Variants in MORN4 observed in about 807,000 individuals in gnomAD.
MORN4 encodes the protein MORN repeat containing 4.
A neutral mutation model predicts 16.4 loss-of-function variants in MORN4; 8 were observed. The observed-to-expected ratio is 0.49, with a 90% CI of 0.29 to 0.88. The LOEUF (loss-of-function observed/expected upper bound fraction) is 0.88, where lower values mean the gene tolerates loss of function less well. Ranked by LOEUF, MORN4 falls within the 40% of genes least tolerant of loss-of-function variation. MORN4 has a pLI of 0.09. For missense variants in MORN4, 159 were observed against 182.9 expected (o/e 0.87, Z 0.75); for synonymous variants, 53 against 68.9 (o/e 0.77, Z 1.14).
Position 97,617,312 on chromosome 10 carries a change from A to G in MORN4, c.78T>C (p.His26=), listed in dbSNP as rs2041245064. ...YRGEWKEGRR[H]GFGQLMFADG... Reference sequence around the variant, plus strand: ...CTGCAAACATCAGTTGACCAAAACCATGCCTGCGGCCTGAACAAAGAGAAG... The same window carrying G: ...CTGCAAACATCAGTTGACCAAAACCGTGCCTGCGGCCTGAACAAAGAGAAG... Residue 26 remains histidine (H), a synonymous_variant, in exon 3 of 5, where the codon CAT becomes CAC. Coordinates refer to ENST00000307450, the MANE Select transcript of MORN4 (RefSeq NM_178832.4). 6.2e-6 allele frequency: 10 copies of G among 1,613,938 alleles called. No homozygotes were observed. Among genetic ancestry groups the G allele is most frequent in the Non-Finnish European group, 8.5e-6 (10 of 1,179,924 alleles).
At chr10:97,617,371 G>T (rs1362783530) in intron 2 of MORN4, 49 bp from the exon 3 acceptor site, 1 of 1,442,046 alleles carries the variant, frequency 6.9e-7, no homozygotes, top group Admixed American at 1.7e-5. Flanking sequence ...GCAGCTTCAG[G>T]GTCCCTTCTT....
intron 1 of MORN4, among the ~76,000 whole-genome samples, chr10:97,626,967 G>A (rs1176320733): frequency 1.3e-5 from 2 of 151,404 alleles, no homozygotes; most frequent in Non-Finnish European, 2.9e-5. Context: ...ATGTTGGCCA[G>A]GCTGGTCTTG....
intron 2 of MORN4, among the ~76,000 whole-genome samples, chr10:97,617,665 G>A (rs574707025): frequency 1.3e-5 from 2 of 152,056 alleles, no homozygotes; most frequent in Non-Finnish European, 2.9e-5. Context: ...ATCGAGACCA[G>A]CCTGGCCAAC....
Position 97,628,407 on chromosome 10 carries a change from G to A in MORN4, c.-31+4940C>T, listed in dbSNP as rs963437843. The stretch of plus-strand genomic sequence containing the variant: ...CAAGGCTACGTGAAACTTCCAAAGA[G>A]TGGCATTCTACCTTGTTCCAGAAGG... On this transcript the variant is annotated intron_variant, in intron 1 of 4. Transcript: ENST00000307450. 4.6e-5 allele frequency among the ~76,000 whole-genome samples: 7 copies of A among 152,316 alleles called. No homozygotes were observed. The South Asian group carries it at 1.4e-3, about 32-fold the overall frequency.
intron 4 of MORN4, 87 bp from the exon 5 acceptor site, chr10:97,616,498 G>A: frequency 1.0e-5 from 15 of 1,460,516 alleles, no homozygotes; most frequent in Non-Finnish European, 1.4e-5. Context: ...ATATGTCCAG[G>A]CCAAAGAAGA....
intron 1 of MORN4, among the ~76,000 whole-genome samples, chr10:97,622,523 CA>C (rs1297123096): frequency 1.3e-5 from 2 of 151,566 alleles, no homozygotes; most frequent in Non-Finnish European, 2.9e-5. Context: ...CCATCTGTAC[CA>C]AAATTACAAA....
chr10:97,620,488 CA>C (rs1210683127), intron 1 of MORN4, among the ~76,000 whole-genome samples: 926 of 41,194 alleles, frequency 0.022, 14 homozygotes, highest in African/African-American at 0.076. Context: ...GACTCTGTCT[CA>C]AAAAAAAAAA....
At chr10:97,631,051 C>T (rs145809164) in intron 1 of MORN4, among the ~76,000 whole-genome samples, 1 of 152,246 alleles carries the variant, frequency 6.6e-6, no homozygotes, top group African/African-American at 2.4e-5. Flanking sequence ...AGGGTTTTAC[C>T]ACGTTGCCCA....
At chr10:97,632,132 A>G (rs142177292) in intron 1 of MORN4, among the ~76,000 whole-genome samples, 1 of 152,152 alleles carries the variant, frequency 6.6e-6, no homozygotes, top group East Asian at 1.9e-4. Flanking sequence ...TTAGAATCCT[A>G]AAGAGAAGAA....
At chr10:97,622,299 TG>T (rs1467231132) in intron 1 of MORN4, among the ~76,000 whole-genome samples, 1 of 152,018 alleles carries the variant, frequency 6.6e-6, no homozygotes, top group Non-Finnish European at 1.5e-5. Flanking sequence ...AAGGAACAAC[TG>T]GGGGGATACA....
At chr10:97,633,863 T>G (rs1478582752), upstream of MORN4, among the ~76,000 whole-genome samples, 1 of 152,188 alleles carries the variant, frequency 6.6e-6, no homozygotes, top group African/African-American at 2.4e-5. The surrounding 1 kb of genome is among the most constrained non-coding windows in gnomAD (Gnocchi z 4.5). Flanking sequence ...AGAGGCAGCT[T>G]TGTAAATTGT....
In MORN4 at chr10:97,616,758, A is replaced by C; in HGVS notation, c.212T>G (p.Phe71Cys). ...RYEGEFAQGKFNGVGVFIRYD... is the reference protein window; with the variant it reads ...RYEGEFAQGKCNGVGVFIRYD... ...TCGAATGAAGACTCCGACGCCATTA[A>C]ACTTGCCCTGGGCAAACTCCCCCTC... Residue 71 changes from phenylalanine (F) to cysteine (C), a missense_variant, in exon 4 of 5, where the codon TTT becomes TGT. Physicochemically the swap from Phe to Cys is radical, Grantham distance 205 (BLOSUM62 -2). Coordinates refer to ENST00000307450, the MANE Select transcript of MORN4 (RefSeq NM_178832.4). 1 of 1,614,134 alleles carries C rather than the reference A, an allele frequency of 6.2e-7. No homozygotes were observed. The highest frequency in any genetic ancestry group is 8.5e-7 in the Non-Finnish European group (1 of 1,179,970).
intron 1 of MORN4, among the ~76,000 whole-genome samples, chr10:97,625,768 G>A (rs879472384): frequency 1.3e-5 from 2 of 152,092 alleles, no homozygotes; most frequent in South Asian, 2.1e-4. Context: ...ATGTCATAAC[G>A]ATTTTTTGTT....
rs1376316389 is a variant in MORN4 at position 97,633,205 on chromosome 10, C to T, written c.-31+142G>A. 1 of 1,051,146 alleles carries T rather than the reference C, an allele frequency of 9.5e-7. No homozygotes were observed. The highest frequency in any genetic ancestry group is 1.2e-6 in the Non-Finnish European group (1 of 802,188). The allele number at this position is 1,051,146 out of a possible 1,614,324, so 65.1% of individuals were successfully genotyped here. ...GACTAAAGGGTTCAGGTTTGGGTCC[C>T]CCACAGGCAACCGCCCTCAGGTCAG... On this transcript the variant is annotated intron_variant, in intron 1 of 4. Coordinates refer to ENST00000307450, the MANE Select transcript of MORN4 (RefSeq NM_178832.4). The surrounding 1 kb of genome is among the most constrained non-coding windows in gnomAD (Gnocchi z 4.5).
At chr10:97,624,610 G>A (rs977686912) in intron 1 of MORN4, among the ~76,000 whole-genome samples, 1 of 152,198 alleles carries the variant, frequency 6.6e-6, no homozygotes, top group Non-Finnish European at 1.5e-5. Flanking sequence ...GTTGAGATGG[G>A]TATCGCTATG....
intron 2 of MORN4, among the ~76,000 whole-genome samples, chr10:97,618,258 C>CTTTTTTTTTTT (rs1192502394): frequency 3.2e-5 from 3 of 92,828 alleles, no homozygotes; most frequent in East Asian, 7.2e-4. Context: ...AGCCTCTCTT[C>CTTTTTTTTTTT]TTTTTTTTTT....
rs531105783 is a variant in MORN4, at chr10:97,618,304, G to A, written c.68-982C>T. On this transcript the variant is annotated intron_variant, in intron 2 of 4. Coordinates refer to ENST00000307450, the MANE Select transcript of MORN4 (RefSeq NM_178832.4). Reference sequence around the variant, plus strand: ...TTTTGAGACAGAGTCTCACTCTGTCGCCCAGGCTGGAGCACAGTGGTGCGA... The same window carrying A: ...TTTTGAGACAGAGTCTCACTCTGTCACCCAGGCTGGAGCACAGTGGTGCGA... Among the ~76,000 whole-genome samples the A allele has an allele frequency of 3.8e-3, 425 of 113,228 alleles. 1 individual carries two copies. Among genetic ancestry groups the A allele is most frequent in the Middle Eastern group, 8.5e-3 (1 of 118 alleles). 74.3% of individuals were successfully genotyped at this position (113,228 alleles called of 152,430 possible).
intron 1 of MORN4, among the ~76,000 whole-genome samples, chr10:97,621,343 C>T (rs2041291569): frequency 6.6e-6 from 1 of 152,056 alleles, no homozygotes; most frequent in Non-Finnish European, 1.5e-5. Flanking sequence ...TAAGAGTTTA[C>T]AGCATATGAG....
Position 97,616,126 on chromosome 10 carries a change from G to T in MORN4, c.*137C>A. 1.2e-6 allele frequency: 1 copy of T among 846,020 alleles called. No individual in the cohort carries two copies. The highest frequency in any genetic ancestry group is 1.7e-6 in the Non-Finnish European group (1 of 580,514). 52.4% of individuals were successfully genotyped at this position (846,020 alleles called of 1,614,324 possible). ...TCTGTGGTCCAGTTCTGGAATGGCA[G>T]GTGACAGGGCACATACAAGGCCTCT... On this transcript the variant is annotated 3_prime_UTR_variant, in exon 5 of 5. Transcript: ENST00000307450.
Sources: allele counts gnomAD v4.1 joint callset (sites outside exome capture counted in the v4.1 genomes callset), GRCh38; gene constraint gnomAD v4.1.1; non-coding constraint Gnocchi (gnomAD v3.1); transcripts MANE v1.5; gene names NCBI Gene and HGNC (gene_info 2026-07-23, HGNC 2026-07-21).